FNBP1: variants seen among roughly 807,000 people sequenced by gnomAD.
FNBP1 encodes formin binding protein 1.
In FNBP1, 26 loss-of-function variants were observed where a neutral mutation model predicts 90.6. That is an observed-to-expected ratio of 0.29 (90% CI 0.21 to 0.40). The LOEUF is 0.40. Ranked by LOEUF, FNBP1 falls within the 10% of genes least tolerant of loss-of-function variation. The probability of loss-of-function intolerance (pLI) is 1.00; values close to 1 mark genes in which losing one functional copy is unlikely to be tolerated. For missense variants in FNBP1, 635 were observed against 768.0 expected (o/e 0.83, Z 2.05); for synonymous variants, 260 against 265.2 (o/e 0.98, Z 0.19).
intron 10 of FNBP1, among the ~76,000 whole-genome samples, chr9:129,923,453 C>T (rs781737574): frequency 5.9e-5 from 9 of 151,764 alleles, no homozygotes; most frequent in Non-Finnish European, 1.2e-4. Flanking sequence ...GTGGCATATG[C>T]CTGTAATCAC....
Position 129,890,397 on chromosome 9 carries a change from T to TGGAG in FNBP1, c.*138_*141dup. The stretch of plus-strand genomic sequence containing the variant: ...GAGGGCAGGGCCGCAGGGAGCATGC[T>TGGAG]GGAGAGAGAGAGAGACCGCCCCGCA... On this transcript the variant is annotated 3_prime_UTR_variant, in exon 17 of 17. Coordinates refer to ENST00000446176, the MANE Select transcript of FNBP1 (RefSeq NM_015033.3). This position sits in a 1 kb window ranked among gnomAD's most constrained non-coding sequence, Gnocchi z 5.8. 1.1e-5 allele frequency: 5 copies of TGGAG among 467,466 alleles called. No homozygotes were observed. In the South Asian group the frequency reaches 1.1e-4, roughly 11 times the overall value. 29.0% of individuals were successfully genotyped at this position (467,466 alleles called of 1,614,324 possible).
At chr9:130,049,248 G>A in the FNBP1 span, among the ~76,000 whole-genome samples, 3 of 152,198 alleles carry the variant, frequency 2.0e-5, no homozygotes, top group African/African-American at 7.2e-5. Flanking sequence ...AATTTGCCAA[G>A]CACAGTGGTG....
chr9:129,942,977 G>A (rs1234343250), intron 6 of FNBP1, among the ~76,000 whole-genome samples: 2 of 152,030 alleles, frequency 1.3e-5, no homozygotes, highest in African/African-American at 4.8e-5. Flanking sequence ...ATAGGCATGA[G>A]CCACTGCATC....
At chr9:129,956,442 T>C (rs2132755235) in intron 6 of FNBP1, among the ~76,000 whole-genome samples, 1 of 152,314 alleles carries the variant, frequency 6.6e-6, no homozygotes, top group South Asian at 2.1e-4. Context: ...TTTGTTTACA[T>C]TGTATTGATG....
chr9:129,923,564 C>T (rs1158950633), intron 10 of FNBP1, among the ~76,000 whole-genome samples: 6 of 147,994 alleles, frequency 4.1e-5, no homozygotes, highest in Admixed American at 6.8e-5. Flanking sequence ...GGTGACAGAG[C>T]GAGACTCTGT....
chr9:130,001,134 C>A (rs888939175), intron 1 of FNBP1, among the ~76,000 whole-genome samples: 1 of 152,026 alleles, frequency 6.6e-6, no homozygotes, highest in East Asian at 1.9e-4. Context: ...AGCTCGAGAC[C>A]AGCCTGGCCA....
upstream of FNBP1, chr9:130,043,240 G>A: frequency 6.4e-6 from 2 of 310,368 alleles, no homozygotes; most frequent in Non-Finnish European, 1.2e-5. Flanking sequence ...GGGAGGGGCG[G>A]GAGGGGAGGG....
intron 6 of FNBP1, among the ~76,000 whole-genome samples, chr9:129,935,219 G>A (rs1272229077): frequency 6.6e-6 from 1 of 150,890 alleles, no homozygotes; most frequent in African/African-American, 2.4e-5. Context: ...AAACTCCTGG[G>A]CTCAGGCGAC....
intron 11 of FNBP1, among the ~76,000 whole-genome samples, chr9:129,910,553 A>G (rs1435442593): frequency 6.6e-6 from 1 of 151,638 alleles, no homozygotes; most frequent in Non-Finnish European, 1.5e-5. Flanking sequence ...CAGGGCATTT[A>G]GAAAAGAGAT....
At chr9:129,961,708 C>T (rs1231093333) in intron 4 of FNBP1, among the ~76,000 whole-genome samples, 1 of 151,996 alleles carries the variant, frequency 6.6e-6, no homozygotes, top group Non-Finnish European at 1.5e-5. Context: ...CCTCAGCCTC[C>T]CTGGTAGCTG....
rs2058766590 is a variant in FNBP1, at chr9:130,031,142, A to C, written c.24+11810T>G. Among the ~76,000 whole-genome samples, 1 of 152,192 alleles carries C rather than the reference A, an allele frequency of 6.6e-6. No individual in the cohort carries two copies. Among genetic ancestry groups the C allele is most frequent in the Non-Finnish European group, 1.5e-5 (1 of 68,036 alleles). ...CCAAGGCTCCCCAGCAATCCATTTT[A>C]GCCTTATTCCACCCACATATAAACA... On this transcript the variant is annotated intron_variant, in intron 1 of 16. Coordinates refer to ENST00000446176, the MANE Select transcript of FNBP1 (RefSeq NM_015033.3). This position sits in a 1 kb window ranked among gnomAD's most constrained non-coding sequence, Gnocchi z 4.2.
At chr9:130,011,491 T>C (rs2056601118) in intron 1 of FNBP1, among the ~76,000 whole-genome samples, 1 of 151,960 alleles carries the variant, frequency 6.6e-6, no homozygotes, top group African/African-American at 2.4e-5. Flanking sequence ...GATTAGGCTA[T>C]GAAGGCTCCA....
At position 129,986,335 on chromosome 9, in the gene FNBP1, G is replaced by A. The variant is rs139571368; in HGVS notation, c.141-6961C>T. 3.7e-3 allele frequency among the ~76,000 whole-genome samples: 564 copies of A among 152,036 alleles called. 3 individuals carry two copies. The highest frequency in any genetic ancestry group is 0.012 in the African/African-American group (516 of 41,452). On this transcript the variant is annotated intron_variant, in intron 2 of 16. Transcript: ENST00000446176. Reference sequence around the variant, plus strand: ...TAAATCAAGAATCCCAATACTATGGGATAAAATAAAATGGAATGAGAAGGA... The same window carrying A: ...TAAATCAAGAATCCCAATACTATGGAATAAAATAAAATGGAATGAGAAGGA...
At chr9:129,940,611 CAT>C (rs33912117) in intron 6 of FNBP1, among the ~76,000 whole-genome samples, 148,658 of 150,260 alleles carry the variant, frequency 0.99, 73,551 homozygotes, top group East Asian at 1. Context: ...GGAGAGTTTT[CAT>C]ATATATATAT....
chr9:129,958,993 A>AAAAAAAAAAAAAAAAAAAAAAAAAAAG (rs2047375227), intron 4 of FNBP1, among the ~76,000 whole-genome samples: 1 of 143,650 alleles, frequency 7.0e-6, no homozygotes, highest in Non-Finnish European at 1.5e-5. Context: ...CTCAAAAAAA[A>AAAAAAAAAAAAAAAAAAAAAAAAAAAG]AAAAAAAAAA....
Position 129,957,781 on chromosome 9 carries a change from G to C in FNBP1, c.409-317C>G, listed in dbSNP as rs930151506. Among the ~76,000 whole-genome samples the C allele has an allele frequency of 2.6e-5, 4 of 152,034 alleles. No individual in the cohort carries two copies. Among genetic ancestry groups the C allele is most frequent in the Admixed American group, 6.6e-5 (1 of 15,262 alleles). On this transcript the variant is annotated intron_variant, in intron 5 of 16. Transcript: ENST00000446176. The surrounding 1 kb of genome is among the most constrained non-coding windows in gnomAD (Gnocchi z 4.3). ...TTGCCCATGCTGGTCTTGAGCTTCT[G>C]AGCTCAAGCAATCCTCCCGCCTCTG... is the stretch of plus-strand genomic sequence containing the variant.
At chr9:129,936,075 G>C (rs1246140439) in intron 6 of FNBP1, among the ~76,000 whole-genome samples, 2 of 152,112 alleles carry the variant, frequency 1.3e-5, no homozygotes. Flanking sequence ...CAGAGCTTTT[G>C]GAAAGCTGCT....
chr9:130,027,080 A>T (rs925540117), intron 1 of FNBP1, among the ~76,000 whole-genome samples: 3 of 152,200 alleles, frequency 2.0e-5, no homozygotes, highest in Non-Finnish European at 2.9e-5. Context: ...TTGGGGGGGA[A>T]ATGGCAAAAC....
intron 4 of FNBP1, among the ~76,000 whole-genome samples, chr9:129,971,030 C>T (rs374361404): frequency 6.6e-6 from 1 of 151,796 alleles, no homozygotes; most frequent in African/African-American, 2.4e-5. Flanking sequence ...GGATTACAGG[C>T]GCACACCACC....
Sources: allele counts gnomAD v4.1 joint callset (sites outside exome capture counted in the v4.1 genomes callset), GRCh38; gene constraint gnomAD v4.1.1; non-coding constraint Gnocchi (gnomAD v3.1); transcripts MANE v1.5; gene names NCBI Gene and HGNC (gene_info 2026-07-23, HGNC 2026-07-21).